Variants in CCNYL1 observed in about 807,000 individuals in gnomAD.
CCNYL1 encodes cyclin-Y-like protein 1.
In CCNYL1, 16 loss-of-function variants were observed where a neutral mutation model predicts 44.2. That is an observed-to-expected ratio of 0.36 (90% CI 0.25 to 0.55). The LOEUF is 0.55. Ranked by LOEUF, CCNYL1 falls within the 20% of genes least tolerant of loss-of-function variation. The pLI is 0.85. For synonymous variants in CCNYL1, 159 were observed against 163.2 expected, an observed-to-expected ratio of 0.97 and a Z score of 0.20; for missense variants, 348 against 451.8, an observed-to-expected ratio of 0.77 and a Z score of 2.08.
intron 1 of CCNYL1, among the ~76,000 whole-genome samples, chr2:207,713,307 TAATGGTTTGGAAGTTAA>T (rs1262297182): frequency 1.3e-5 from 2 of 152,168 alleles, no homozygotes; most frequent in African/African-American, 4.8e-5. Context: ...ATTTATAATG[TAATGGTTTGGAAGTTAA>T]AATGCTAGAC....
chr2:207,750,539 C>G (rs2091883827), intron 8 of CCNYL1: 1 of 153,478 alleles, frequency 6.5e-6, no homozygotes, highest in Non-Finnish European at 1.4e-5. Context: ...TTCTCTACTT[C>G]AATAAGCCCC....
Position 207,731,840 on chromosome 2 carries a change from C to T in CCNYL1, c.331-2107C>T, listed in dbSNP as rs140261223. 6.0e-3 allele frequency among the ~76,000 whole-genome samples: 836 copies of T among 139,822 alleles called. 7 individuals are homozygous for T. Among genetic ancestry groups the T allele is most frequent in the African/African-American group, 0.021 (794 of 37,100 alleles). 91.7% of individuals were successfully genotyped at this position (139,822 alleles called of 152,430 possible). A position where few individuals can be genotyped will look rare whatever the true frequency, so the allele number is the denominator to read the frequency against. Reference sequence around the variant, plus strand: ...TTTTTTTTTTTTTGAGACCAAGTCTCGCTCTGTCACCCAGGCTGGAGTGCA... The same window carrying T: ...TTTTTTTTTTTTTGAGACCAAGTCTTGCTCTGTCACCCAGGCTGGAGTGCA... On this transcript the variant is annotated intron_variant, in intron 3 of 9. Transcript: ENST00000295414.
At chr2:207,729,604 C>T (rs1349886394) in intron 3 of CCNYL1, among the ~76,000 whole-genome samples, 2 of 152,126 alleles carry the variant, frequency 1.3e-5, no homozygotes, top group Admixed American at 1.3e-4. Flanking sequence ...AGACCTCAGT[C>T]TGTTATCTGG....
At chr2:207,740,170 A>G (rs2091797344) in intron 5 of CCNYL1, among the ~76,000 whole-genome samples, 2 of 152,212 alleles carry the variant, frequency 1.3e-5, no homozygotes, top group African/African-American at 4.8e-5. Flanking sequence ...TTTTAAAATA[A>G]AAAGACAATA....
At chr2:207,722,990 G>A (rs2091652486) in intron 1 of CCNYL1, among the ~76,000 whole-genome samples, 2 of 151,698 alleles carry the variant, frequency 1.3e-5, no homozygotes, top group South Asian at 4.2e-4. Flanking sequence ...TTTAGGTAGA[G>A]GCAGCTGTGA....
At chr2:207,742,766 A>G (rs1317064631) in intron 7 of CCNYL1, among the ~76,000 whole-genome samples, 1 of 152,194 alleles carries the variant, frequency 6.6e-6, no homozygotes, top group Non-Finnish European at 1.5e-5. Flanking sequence ...ATGTGTGGTG[A>G]TTGAGAACTA....
At position 207,754,862 on chromosome 2, in the gene CCNYL1, C is replaced by CA. The variant is rs774403671; in HGVS notation, c.*1170dup. The CA allele has an allele frequency of 9.8e-5, 15 of 152,458 alleles. No homozygotes were observed. The highest frequency in any genetic ancestry group is 1.3e-3 in the Middle Eastern group (1 of 784). 9.4% of individuals were successfully genotyped at this position (152,458 alleles called of 1,614,324 possible). A position where few individuals can be genotyped will look rare whatever the true frequency, so the allele number is the denominator to read the frequency against. On this transcript the variant is annotated 3_prime_UTR_variant, in exon 10 of 10. Transcript: ENST00000295414. ...TCTTGATAGCAGACATTGACTGAAA[C>CA]AAAAAATTAAAAGCTTTATATTCAA...
intron 1 of CCNYL1, among the ~76,000 whole-genome samples, chr2:207,719,704 T>C (rs1284082603): frequency 6.6e-6 from 1 of 152,078 alleles, no homozygotes; most frequent in Non-Finnish European, 1.5e-5. Context: ...CTTTGAGAGG[T>C]GTAAATTGAG....
chr2:207,747,299 A>C, intron 8 of CCNYL1, 86 bp downstream of exon 8: 1 of 1,214,556 alleles, frequency 8.2e-7, no homozygotes, highest in Non-Finnish European at 1.1e-6. Flanking sequence ...AATATTTTTA[A>C]AGGTTACATT....
chr2:207,724,962 A>G (rs527583187), intron 2 of CCNYL1, 88 bp downstream of exon 2: 7 of 1,002,132 alleles, frequency 7.0e-6, no homozygotes, highest in Admixed American at 5.9e-5. Context: ...ATTTAGAAGA[A>G]CTGATGTATT....
intron 3 of CCNYL1, among the ~76,000 whole-genome samples, chr2:207,730,716 CCA>C (rs1218161203): frequency 6.6e-6 from 1 of 152,082 alleles, no homozygotes; most frequent in Non-Finnish European, 1.5e-5. Flanking sequence ...CAAGATTGCA[CCA>C]CTGCACTCCA....
At chr2:207,737,845 A>G (rs935688663) in intron 5 of CCNYL1, among the ~76,000 whole-genome samples, 1 of 152,196 alleles carries the variant, frequency 6.6e-6, no homozygotes, top group Non-Finnish European at 1.5e-5. Flanking sequence ...ATAACCCCTG[A>G]CTGAGAATCA....
At chr2:207,733,844 A>C in intron 3 of CCNYL1, 103 bp from the exon 4 acceptor site, 1 of 727,282 alleles carries the variant, frequency 1.4e-6, no homozygotes, top group Non-Finnish European at 2.4e-6. Context: ...GAGTGTAAGA[A>C]ATATCTTAAT....
chr2:207,745,180 G>C (rs911828814), intron 7 of CCNYL1, among the ~76,000 whole-genome samples: 6 of 152,190 alleles, frequency 3.9e-5, no homozygotes, highest in Non-Finnish European at 8.8e-5. Context: ...GGACACATCC[G>C]GGGAGTTGTG....
At chr2:207,725,815 A>T (rs564195647) in intron 2 of CCNYL1, among the ~76,000 whole-genome samples, 33 of 152,330 alleles carry the variant, frequency 2.2e-4, no homozygotes, top group African/African-American at 7.5e-4. Flanking sequence ...ACTCCTGTTT[A>T]TCTTCCTTAT....
intron 1 of CCNYL1, among the ~76,000 whole-genome samples, chr2:207,722,575 G>C (rs1270078426): frequency 2.0e-5 from 3 of 151,864 alleles, no homozygotes; most frequent in Non-Finnish European, 4.4e-5. Flanking sequence ...TCATAATATG[G>C]CTTCTTCTGT....
chr2:207,747,952 C>T (rs1337686005), intron 8 of CCNYL1, among the ~76,000 whole-genome samples: 1 of 151,984 alleles, frequency 6.6e-6, no homozygotes, highest in Non-Finnish European at 1.5e-5. Flanking sequence ...TTCATGTGAC[C>T]AGTAGGGTAT....
intron 1 of CCNYL1, among the ~76,000 whole-genome samples, chr2:207,717,906 C>CT (rs5838085): frequency 0.94 from 130,944 of 139,006 alleles, 62,013 homozygotes; most frequent in East Asian, 0.99. Context: ...ATTTTTAATT[C>CT]TTTTTTTTTT....
rs930206525 is a variant in CCNYL1, at chr2:207,724,187, G to A, written c.221-613G>A. 7.2e-5 allele frequency among the ~76,000 whole-genome samples: 11 copies of A among 152,084 alleles called. No homozygotes were observed. In the South Asian group the frequency reaches 1.7e-3, roughly 23 times the overall value. Reference sequence around the variant, plus strand: ...AAGAAGTGAGAAATTGAGGGCAAACGTTAATCATTTTCTAACATGTTTCTG... The same window carrying A: ...AAGAAGTGAGAAATTGAGGGCAAACATTAATCATTTTCTAACATGTTTCTG... On this transcript the variant is annotated intron_variant, in intron 1 of 9. Coordinates refer to ENST00000295414, the MANE Select transcript of CCNYL1 (RefSeq NM_001330218.2).
Sources: allele counts gnomAD v4.1 joint callset (sites outside exome capture counted in the v4.1 genomes callset), GRCh38; gene constraint gnomAD v4.1.1; transcripts MANE v1.5; gene names NCBI Gene and HGNC (gene_info 2026-07-23, HGNC 2026-07-21).